Variants in ZSCAN4 observed in about 807,000 individuals in gnomAD.
ZSCAN4 encodes zinc finger and SCAN domain-containing protein 4.
A neutral mutation model predicts 18.3 loss-of-function variants in ZSCAN4; 18 were observed. The observed-to-expected ratio is 0.98, with a 90% confidence interval of 0.68 to 1.46. The LOEUF (loss-of-function observed/expected upper bound fraction) is 1.46. Among genes scored for constraint, ZSCAN4 ranks in the 40% most tolerant of loss-of-function variants. The pLI, the probability that ZSCAN4 is intolerant of heterozygous loss-of-function variation, is 0.00. For missense variants in ZSCAN4, 498 were observed against 511.4 expected (o/e 0.97, Z 0.25); for synonymous variants, 193 against 180.3 (o/e 1.07, Z -0.57).
At chr19:57,674,518 C>A (rs1984118227) in intron 2 of ZSCAN4, among the ~76,000 whole-genome samples, 3 of 152,206 alleles carry the variant, frequency 2.0e-5, no homozygotes, top group Admixed American at 2.0e-4. Context: ...TTTTTTATGG[C>A]TGCATAATAT....
intron 2 of ZSCAN4, among the ~76,000 whole-genome samples, chr19:57,671,836 G>C (rs1984032898): frequency 6.6e-6 from 1 of 152,202 alleles, no homozygotes; most frequent in African/African-American, 2.4e-5. Context: ...GGTCTAATCA[G>C]ACCAGATGAG....
the ZSCAN4 span, among the ~76,000 whole-genome samples, chr19:57,661,848 G>A: frequency 2.6e-5 from 4 of 152,164 alleles, no homozygotes; most frequent in Non-Finnish European, 5.9e-5. Flanking sequence ...TTGGGAGGCT[G>A]AGGTGGGCAG....
At chr19:57,673,070 A>C (rs1482010016) in intron 2 of ZSCAN4, among the ~76,000 whole-genome samples, 2 of 151,950 alleles carry the variant, frequency 1.3e-5, no homozygotes, top group African/African-American at 2.4e-5. Context: ...TTATTTTGAG[A>C]TGGAGTTTCA....
chr19:57,659,265 G>C, the ZSCAN4 span, among the ~76,000 whole-genome samples: 1 of 152,086 alleles, frequency 6.6e-6, no homozygotes, highest in Non-Finnish European at 1.5e-5. Context: ...TGGGTGCTTT[G>C]CTTACTGCTT....
Position 57,676,546 on chromosome 19 carries a change from G to A in ZSCAN4, c.396+5G>A, listed in dbSNP as rs1038502067. 3 of 1,601,152 alleles carry A rather than the reference G, an allele frequency of 1.9e-6. No homozygotes were observed. In the African/African-American group the frequency reaches 4.0e-5, roughly 22 times the overall value. ...AGCATAAATCCACCTGCCTTAGTGA[G>A]TACAGGGTTCTAACTTCTGGGATGA... On this transcript the variant is annotated splice_donor_5th_base_variant and intron_variant, in intron 3 of 4. Coordinates refer to ENST00000318203, the Ensembl canonical transcript of ZSCAN4.
upstream of ZSCAN4, chr19:57,664,720 T>TG (rs1424546235): frequency 9.0e-6 from 2 of 221,424 alleles, no homozygotes; most frequent in Admixed American, 4.1e-5. Flanking sequence ...TCGAATTCAG[T>TG]GGGGCAAGCG....
intron 2 of ZSCAN4, among the ~76,000 whole-genome samples, chr19:57,673,676 G>GC (rs1339469378): frequency 2.6e-5 from 4 of 151,950 alleles, no homozygotes; most frequent in Non-Finnish European, 5.9e-5. Flanking sequence ...CTTCCCATAT[G>GC]CCCCACCCCA....
At chr19:57,652,684 C>T in the ZSCAN4 span, among the ~76,000 whole-genome samples, 7 of 152,138 alleles carry the variant, frequency 4.6e-5, no homozygotes, top group Admixed American at 3.3e-4. Context: ...AACACCCTCC[C>T]GCTGAAGGCC....
chr19:57,677,448 T>C (rs1015524664), intron 3 of ZSCAN4, among the ~76,000 whole-genome samples: 1 of 152,174 alleles, frequency 6.6e-6, no homozygotes, highest in Non-Finnish European at 1.5e-5. Flanking sequence ...ATTGATAACT[T>C]TGTTGTTTAA....
the ZSCAN4 span, among the ~76,000 whole-genome samples, chr19:57,660,587 G>C: frequency 1.2e-4 from 18 of 152,206 alleles, 1 homozygote; most frequent in African/African-American, 4.3e-4. Context: ...AGTAGAGGAG[G>C]GTTGTGAGTT....
At chr19:57,661,763 A>G in the ZSCAN4 span, among the ~76,000 whole-genome samples, 1 of 152,250 alleles carries the variant, frequency 6.6e-6, no homozygotes, top group African/African-American at 2.4e-5. Context: ...GAATTTTGAC[A>G]TCTTTAAGTG....
intron 2 of ZSCAN4, among the ~76,000 whole-genome samples, chr19:57,673,240 G>T (rs1286668016): frequency 6.6e-6 from 1 of 151,802 alleles, no homozygotes; most frequent in Non-Finnish European, 1.5e-5. Context: ...GTAGAGAAAG[G>T]GTTTCACCAC....
At chr19:57,676,340 T>A in exon 3 of ZSCAN4, 2 of 1,614,144 alleles carry the variant, frequency 1.2e-6, no homozygotes, top group Non-Finnish European at 1.7e-6. Flanking sequence ...TGCAAAGACT[T>A]TATAGGATCT....
chr19:57,673,087 C>T (rs1189479105), intron 2 of ZSCAN4, among the ~76,000 whole-genome samples: 3 of 151,990 alleles, frequency 2.0e-5, no homozygotes, highest in Non-Finnish European at 2.9e-5. Context: ...TTCACTCTGT[C>T]GCCCAGGCTG....
chr19:57,655,129 A>G, the ZSCAN4 span, among the ~76,000 whole-genome samples: 1 of 152,136 alleles, frequency 6.6e-6, no homozygotes, highest in Non-Finnish European at 1.5e-5. Flanking sequence ...ATACCAACCC[A>G]ATGGAAGAAG....
At chr19:57,658,024 C>G in the ZSCAN4 span, among the ~76,000 whole-genome samples, 2 of 152,048 alleles carry the variant, frequency 1.3e-5, no homozygotes, top group Non-Finnish European at 1.5e-5. Flanking sequence ...ATGCAGAACC[C>G]ATGGATATAG....
chr19:57,667,007 G>A (rs559923708), upstream of ZSCAN4, among the ~76,000 whole-genome samples: 1 of 152,040 alleles, frequency 6.6e-6, no homozygotes, highest in African/African-American at 2.4e-5. Context: ...ACACTGGAGC[G>A]GGGATACTCA....
At chr19:57,667,029 T>C (rs746421212), upstream of ZSCAN4, among the ~76,000 whole-genome samples, 1 of 152,162 alleles carries the variant, frequency 6.6e-6, no homozygotes, top group Non-Finnish European at 1.5e-5. Flanking sequence ...CAGACACAAG[T>C]TGAGATGATG....
intron 4 of ZSCAN4, 28 bp from the exon 5 acceptor site, chr19:57,678,138 C>T (rs747090633): frequency 3.7e-6 from 6 of 1,603,134 alleles, no homozygotes; most frequent in Non-Finnish European, 5.1e-6. Context: ...TTCTTAAGTA[C>T]AACTTCATTG....
Sources: allele counts gnomAD v4.1 joint callset (sites outside exome capture counted in the v4.1 genomes callset), GRCh38; gene constraint gnomAD v4.1.1; transcripts MANE v1.5; gene names NCBI Gene and HGNC (gene_info 2026-07-23, HGNC 2026-07-21).